The following RASGRF1 variants were observed in gnomAD, a reference collection of about 807,000 sequenced individuals.
The protein encoded by RASGRF1 is ras-specific guanine nucleotide-releasing factor 1.
In RASGRF1, 40 loss-of-function variants were observed where a neutral mutation model predicts 138.7. That is an observed-to-expected ratio of 0.29 (90% CI 0.22 to 0.38). The LOEUF is 0.38. Ranked by LOEUF, RASGRF1 falls within the 10% of genes least tolerant of loss-of-function variation. The pLI is 1.00. For missense variants in RASGRF1, 1,108 were observed against 1,650.4 expected, an observed-to-expected ratio of 0.67 and a Z score of 5.69; for synonymous variants, 614 against 663.2, an observed-to-expected ratio of 0.93 and a Z score of 1.14.
At position 79,027,374 on chromosome 15, in the gene RASGRF1, G is replaced by A. The variant is rs980289249; in HGVS notation, c.1381+367C>T. Among the ~76,000 whole-genome samples, 2 of 152,114 alleles carry A rather than the reference G, an allele frequency of 1.3e-5. No individual in the cohort carries two copies. The highest frequency in any genetic ancestry group is 3.8e-4 in the East Asian group (2 of 5,198). ...TGACCTCCTCCCAGACACTGAAAACGCTTCTGACTCACAGAGACAACTGTT... is the reference window on the plus strand; with the variant it reads ...TGACCTCCTCCCAGACACTGAAAACACTTCTGACTCACAGAGACAACTGTT... On this transcript the variant is annotated intron_variant, in intron 9 of 26. Coordinates refer to ENST00000558480, the MANE Select transcript of RASGRF1 (RefSeq NM_001145648.3). This position sits in a 1 kb window ranked among gnomAD's most constrained non-coding sequence, Gnocchi z 4.8.
intron 1 of RASGRF1, among the ~76,000 whole-genome samples, chr15:79,087,756 T>C (rs944869069): frequency 1.3e-5 from 2 of 152,238 alleles, no homozygotes; most frequent in Non-Finnish European, 2.9e-5. Flanking sequence ...CGATGAATTT[T>C]TGTACACATG....
chr15:79,079,482 G>A (rs1474985969), intron 1 of RASGRF1, among the ~76,000 whole-genome samples: 6 of 149,228 alleles, frequency 4.0e-5, no homozygotes, highest in Non-Finnish European at 7.4e-5. Flanking sequence ...ATGATAGCAT[G>A]TCCACACCAT....
At chr15:78,991,395 G>A (rs1299279028) in intron 21 of RASGRF1, among the ~76,000 whole-genome samples, 1 of 152,186 alleles carries the variant, frequency 6.6e-6, no homozygotes, top group Non-Finnish European at 1.5e-5. Context: ...TTTCTCACAG[G>A]TACATGTGCA....
chr15:79,068,303 CT>C (rs2057706377), intron 1 of RASGRF1, among the ~76,000 whole-genome samples: 1 of 151,942 alleles, frequency 6.6e-6, no homozygotes, highest in Non-Finnish European at 1.5e-5. Flanking sequence ...GGGCAAGTGG[CT>C]TTCTGGGTAG....
At chr15:78,971,811 C>T in intron 26 of RASGRF1, 55 bp downstream of exon 26, 2 of 1,483,292 alleles carry the variant, frequency 1.3e-6, no homozygotes, top group Non-Finnish European at 9.4e-7. Flanking sequence ...TGGAAGGTGG[C>T]CTAGACAGAG....
Position 79,058,417 on chromosome 15 carries a change from C to T in RASGRF1, c.448G>A (p.Val150Met), listed in dbSNP as rs745949757. ...MQKYLHLLQIVETEKTVAKQL... is the reference protein window; with the variant it reads ...MQKYLHLLQIMETEKTVAKQL... ...TTGGCCACGGTCTTCTCTGTCTCCA[C>T]GATCTGCAGCAGGTGCAGGTATTTC... The change falls in exon 3 of 27, where the codon GTG becomes ATG. Residue 150 changes from valine to methionine, a missense_variant. Transcript: ENST00000558480. 5.0e-6 allele frequency: 8 copies of T among 1,614,094 alleles called. No individual in the cohort carries two copies. Among genetic ancestry groups the T allele is most frequent in the South Asian group, 1.1e-5 (1 of 91,090 alleles).
chr15:78,973,501 C>CT lies in RASGRF1; in HGVS notation c.3495-82dup, dbSNP rs2055813280. 2 of 1,083,228 alleles carry CT rather than the reference C, an allele frequency of 1.8e-6. No homozygotes were observed. The highest frequency in any genetic ancestry group is 2.8e-6 in the Non-Finnish European group (2 of 724,976). 67.1% of individuals were successfully genotyped at this position (1,083,228 alleles called of 1,614,324 possible). On this transcript the variant is annotated intron_variant, in intron 24 of 26. Coordinates refer to ENST00000558480, the MANE Select transcript of RASGRF1 (RefSeq NM_001145648.3). This position sits in a 1 kb window ranked among gnomAD's most constrained non-coding sequence, Gnocchi z 4.9. ...CAAGAACAGAACATCCCGCATGCAC[C>CT]TTTTGCTTTGCTAGAGGCAAAGGGA...
At chr15:78,976,698 C>T (rs2055879839) in intron 24 of RASGRF1, among the ~76,000 whole-genome samples, 1 of 152,204 alleles carries the variant, frequency 6.6e-6, no homozygotes, top group South Asian at 2.1e-4. Flanking sequence ...CCACACCGAG[C>T]CTCTGAATGA....
At position 78,973,552 on chromosome 15, in the gene RASGRF1, C is replaced by T. The variant is rs2055814408; in HGVS notation, c.3495-132G>A. 1.5e-6 allele frequency: 1 copy of T among 652,142 alleles called. No homozygotes were observed. Among genetic ancestry groups the T allele is most frequent in the East Asian group, 2.8e-5 (1 of 35,192 alleles). The allele number at this position is 652,142 out of a possible 1,614,324, so 40.4% of individuals were successfully genotyped here. ...CTTGCAGTCACCAAGAATCACACTA[C>T]ACTCTAGAACTGACTATTCTACACG... On this transcript the variant is annotated intron_variant, in intron 24 of 26. Transcript: ENST00000558480. This position sits in a 1 kb window ranked among gnomAD's most constrained non-coding sequence, Gnocchi z 4.9.
chr15:79,057,795 C>T (rs2057530530), intron 3 of RASGRF1, among the ~76,000 whole-genome samples: 1 of 152,318 alleles, frequency 6.6e-6, no homozygotes, highest in African/African-American at 2.4e-5. Context: ...TGCAAAGAGG[C>T]TTAGTCTGGC....
intron 13 of RASGRF1, among the ~76,000 whole-genome samples, chr15:79,007,245 G>C (rs2056697030): frequency 6.6e-6 from 1 of 152,198 alleles, no homozygotes; most frequent in Non-Finnish European, 1.5e-5. Context: ...TGAACTTGAG[G>C]TCAGCAGCCT....
Position 79,090,267 on chromosome 15 carries a change from A to G in RASGRF1, c.232T>C (p.Ser78Pro), listed in dbSNP as rs752827175. 1.9e-6 allele frequency: 3 copies of G among 1,609,858 alleles called. No individual in the cohort carries two copies. Residue 78 changes from serine to proline, a missense_variant, in exon 1 of 27, where the codon TCC becomes CCC. Physicochemically the swap from Ser to Pro is moderately conservative, Grantham distance 74. Coordinates refer to ENST00000558480, the MANE Select transcript of RASGRF1 (RefSeq NM_001145648.3). ...TTGGCCGACAGCGCCGGCTTGGGGG[A>G]GGGCGCGCGGTCGCAGACGCAGCCC... ...LEGCVCDRAP[S>P]PKPALSAKEP...
intron 22 of RASGRF1, among the ~76,000 whole-genome samples, chr15:78,989,960 C>G (rs928249430): frequency 1.3e-5 from 2 of 152,162 alleles, no homozygotes; most frequent in African/African-American, 2.4e-5. Context: ...TAGATGACCA[C>G]GCAGTTAATC....
chr15:79,036,541 A>T (rs998376129), intron 5 of RASGRF1, among the ~76,000 whole-genome samples: 1 of 151,784 alleles, frequency 6.6e-6, no homozygotes, highest in Non-Finnish European at 1.5e-5. Flanking sequence ...CCTCCATCTC[A>T]CTGTCTTAGC....
chr15:78,987,807 G>A (rs1430989382), intron 22 of RASGRF1, among the ~76,000 whole-genome samples: 2 of 152,146 alleles, frequency 1.3e-5, no homozygotes, highest in African/African-American at 4.8e-5. Flanking sequence ...ACGGGACTAG[G>A]GTGAGGCAGT....
chr15:79,076,090 G>A (rs2057829864), intron 1 of RASGRF1, among the ~76,000 whole-genome samples: 1 of 152,182 alleles, frequency 6.6e-6, no homozygotes, highest in Non-Finnish European at 1.5e-5. Context: ...CTTCCAAATG[G>A]GCAAGCTGCT....
intron 1 of RASGRF1, among the ~76,000 whole-genome samples, chr15:79,069,160 G>T (rs1379455737): frequency 2.0e-5 from 3 of 152,156 alleles, no homozygotes; most frequent in Non-Finnish European, 4.4e-5. Context: ...CTAGAACCCT[G>T]CACAGAGCCT....
chr15:79,003,717 A>T, intron 15 of RASGRF1, 85 bp downstream of exon 15: 2 of 1,499,078 alleles, frequency 1.3e-6, no homozygotes, highest in East Asian at 4.6e-5. Flanking sequence ...GAGCAGGAAG[A>T]GCAGCCCTGA....
chr15:78,988,124 G>A (rs115370892), intron 22 of RASGRF1, among the ~76,000 whole-genome samples: 1,604 of 152,286 alleles, frequency 0.011, 27 homozygotes, highest in African/African-American at 0.034. Context: ...GAAGTAGACC[G>A]TGTGCGTTCA....
Sources: gnomAD v4.1 joint callset for allele counts (sites outside exome capture counted in the v4.1 genomes callset) on GRCh38, gnomAD v4.1.1 for gene constraint, Gnocchi (gnomAD v3.1) non-coding constraint, MANE v1.5 for transcripts, NCBI Gene and HGNC (gene_info 2026-07-23, HGNC 2026-07-21) for gene names.